USP24: variants seen among roughly 807,000 people sequenced by gnomAD.
The protein encoded by USP24 is ubiquitin specific peptidase 24.
A neutral mutation model predicts 361.6 loss-of-function variants in USP24; 97 were observed. That is an observed-to-expected ratio of 0.27 (90% confidence interval 0.23 to 0.32). USP24 has a LOEUF of 0.32. Ranked by LOEUF, USP24 falls within the 10% of genes least tolerant of loss-of-function variation. The probability of loss-of-function intolerance (pLI) is 1.00; values close to 1 mark genes in which losing one functional copy is unlikely to be tolerated. For synonymous variants in USP24, 1,098 were observed against 1,124.6 expected (o/e 0.98, Z 0.47); for missense variants, 2,353 against 3,165.6 (o/e 0.74, Z 6.16).
chr1:55,128,848 A>G (rs1646512509), intron 32 of USP24, among the ~76,000 whole-genome samples: 2 of 150,468 alleles, frequency 1.3e-5, no homozygotes, highest in Admixed American at 1.3e-4. Context: ...CCAAGTAGTT[A>G]GGACTACAAG....
chr1:55,154,182 T>G lies in USP24; in HGVS notation c.1749A>C (p.Ala583=). ...TCTTGATTGCTTCTTTCACTGCATA[T>G]GCATCACTAAGGATTGTCAGGTGCT... ...LEEHLTILSD[A]YAVKEAIKRS... Residue 583 remains alanine, a synonymous_variant, in exon 15 of 68, where the codon GCA becomes GCC. Transcript: ENST00000294383. 1 of 1,613,664 alleles carries G rather than the reference T, an allele frequency of 6.2e-7. No individual in the cohort carries two copies. Among genetic ancestry groups the G allele is most frequent in the South Asian group, 1.1e-5 (1 of 91,078 alleles).
chr1:55,075,472 C>T lies in USP24; in HGVS notation c.7432G>A (p.Glu2478Lys). ...VERVKFVFET[E>K]NGLLALMHHS... ...GCATACTTGCCTAGTAATCCATTTTCTGTCTCAAACACAAATTTGACTCGC... is the reference window on the plus strand; with the variant it reads ...GCATACTTGCCTAGTAATCCATTTTTTGTCTCAAACACAAATTTGACTCGC... The change falls in exon 63 of 68, where the codon GAA becomes AAA. Residue 2478 changes from glutamate to lysine, a missense_variant. Physicochemically the swap from Glu to Lys is moderately conservative, Grantham distance 56 (BLOSUM62 1). This residue lies in a region of USP24 where 598 missense variants were observed against 761.9 expected (regional missense o/e 0.78). Transcript: ENST00000294383. 1 of 1,603,720 alleles carries T rather than the reference C, an allele frequency of 6.2e-7. No homozygotes were observed. The highest frequency in any genetic ancestry group is 8.5e-7 in the Non-Finnish European group (1 of 1,175,142).
At position 55,214,820 on chromosome 1, in the gene USP24, C is replaced by T. The variant is rs1171362494; in HGVS notation, c.294G>A (p.Pro98=). 1 of 1,221,860 alleles carries T rather than the reference C, an allele frequency of 8.2e-7. No homozygotes were observed. Among genetic ancestry groups the T allele is most frequent in the Non-Finnish European group, 1.0e-6 (1 of 972,328 alleles). The allele number at this position is 1,221,860 out of a possible 1,614,324, so 75.7% of individuals were successfully genotyped here. The change falls in exon 1 of 68, where the codon CCG becomes CCA. Residue 98 remains proline (P), a synonymous_variant. Coordinates refer to ENST00000294383, the MANE Select transcript of USP24 (RefSeq NM_015306.3). ...CGTCCACCACCTCGTGGTAGGCGGG[C>T]GGGGGGTCGAAGCCGCCCCCGCCTC... The part of the protein sequence containing the change: ...STGGGGGFDP[P]PAYHEVVDAE...
Position 55,079,619 on chromosome 1 carries a change from A to T in USP24, c.7119T>A (p.Ala2373=). The change falls in exon 60 of 68, where the codon GCT becomes GCA. Residue 2373 remains alanine, a synonymous_variant. Transcript: ENST00000294383. ...IFKQRPPISI[A]PSSPLLPLHE... Reference sequence around the variant, plus strand: ...GGAGGGGCAACAGAGGGCTTGAGGGAGCAATGCTAATGGGTGGTCGTTGCT... The same window carrying T: ...GGAGGGGCAACAGAGGGCTTGAGGGTGCAATGCTAATGGGTGGTCGTTGCT... The T allele has an allele frequency of 6.5e-7, 1 of 1,550,282 alleles. No homozygotes were observed. The highest frequency in any genetic ancestry group is 8.6e-7 in the Non-Finnish European group (1 of 1,158,552).
intron 67 of USP24, 29 bp from the exon 68 acceptor site, chr1:55,069,136 C>T: frequency 6.2e-7 from 1 of 1,613,146 alleles, no homozygotes; most frequent in Non-Finnish European, 8.5e-7. Flanking sequence ...AGTTAAAGTT[C>T]ATACGGTTAG....
intron 55 of USP24, among the ~76,000 whole-genome samples, chr1:55,086,602 G>A (rs1419717582): frequency 6.6e-6 from 1 of 152,154 alleles, no homozygotes; most frequent in African/African-American, 2.4e-5. Flanking sequence ...ATCTGAACAT[G>A]GACTAGATAT....
At chr1:55,136,729 T>G (rs116588695) in intron 28 of USP24, among the ~76,000 whole-genome samples, 1 of 152,028 alleles carries the variant, frequency 6.6e-6, no homozygotes, top group South Asian at 2.1e-4. Context: ...ATGCCATCAT[T>G]TGAGATACAA....
At chr1:55,098,170 A>G in intron 46 of USP24, 86 bp from the exon 47 acceptor site, 1 of 1,388,598 alleles carries the variant, frequency 7.2e-7, no homozygotes, top group East Asian at 2.5e-5. Context: ...TGAACACAGA[A>G]CTACATTTTT....
chr1:55,207,206 T>C (rs1460842734), intron 1 of USP24, among the ~76,000 whole-genome samples: 2 of 149,694 alleles, frequency 1.3e-5, no homozygotes, highest in East Asian at 3.9e-4. Context: ...CTTCACACTA[T>C]AGATTACCAA....
rs745834566 is a variant in USP24, at chr1:55,089,617, C to G, written c.6668+10G>C. On this transcript the variant is annotated intron_variant, in intron 55 of 67. Coordinates refer to ENST00000294383, the MANE Select transcript of USP24 (RefSeq NM_015306.3). ...CAAATTTCTTTTAATTAAAAGACTC[C>G]AACACTTACTTTATCAATTCTCGTC... 7 of 1,549,096 alleles carry G rather than the reference C, an allele frequency of 4.5e-6. No homozygotes were observed. In the South Asian group the frequency reaches 8.5e-5, roughly 19 times the overall value.
intron 1 of USP24, among the ~76,000 whole-genome samples, chr1:55,200,856 G>C (rs1026179138): frequency 6.6e-6 from 1 of 152,044 alleles, no homozygotes; most frequent in African/African-American, 2.4e-5. Flanking sequence ...GCTTAAAAAG[G>C]GTTTGTTTCT....
At chr1:55,121,973 C>G (rs1468225497) in intron 36 of USP24, among the ~76,000 whole-genome samples, 1 of 152,038 alleles carries the variant, frequency 6.6e-6, no homozygotes, top group African/African-American at 2.4e-5. Flanking sequence ...AGTGGAGTTG[C>G]TAAAACTTCA....
At chr1:55,157,852 G>T (rs1473546891) in intron 10 of USP24, among the ~76,000 whole-genome samples, 1 of 145,194 alleles carries the variant, frequency 6.9e-6, no homozygotes, top group Admixed American at 6.9e-5. Flanking sequence ...AAAAAAAAAA[G>T]AACATGGAGT....
intron 59 of USP24, 118 bp downstream of exon 59, chr1:55,081,204 A>T: frequency 1.0e-6 from 1 of 996,580 alleles, no homozygotes. Flanking sequence ...TTTTAAGTGC[A>T]CCTCAACTAG....
At chr1:55,151,945 G>C (rs1165131502) in intron 16 of USP24, 11 of 985,656 alleles carry the variant, frequency 1.1e-5, no homozygotes, top group African/African-American at 1.7e-5. Context: ...CTGGCAGGGA[G>C]ACATAATCCC....
chr1:55,165,135 G>T (rs1244890343), intron 7 of USP24, among the ~76,000 whole-genome samples: 1 of 152,058 alleles, frequency 6.6e-6, no homozygotes, highest in Non-Finnish European at 1.5e-5. Flanking sequence ...ATTAGTCATG[G>T]TTTCACAAAA....
intron 58 of USP24, 130 bp downstream of exon 58, chr1:55,083,142 A>G (rs1164919525): frequency 3.8e-6 from 3 of 787,474 alleles, no homozygotes; most frequent in South Asian, 5.0e-5. Flanking sequence ...AACTCCAAAG[A>G]ATTTTCAAGT....
chr1:55,171,814 C>T lies in USP24; in HGVS notation c.703-136G>A, dbSNP rs1383795258. On this transcript the variant is annotated intron_variant, in intron 4 of 67. Transcript: ENST00000294383. ...CTTTCAAGAATACACCGAAAGCATA[C>T]GCCTTAGCTAGTGCAAAAGTGCTAA... 59 of 994,490 alleles carry T rather than the reference C, an allele frequency of 5.9e-5. 1 individual carries two copies. In the East Asian group the frequency reaches 8.5e-4, roughly 14 times the overall value. 61.6% of individuals were successfully genotyped at this position (994,490 alleles called of 1,614,324 possible). A position where few individuals can be genotyped will look rare whatever the true frequency, so the allele number is the denominator to read the frequency against.
At position 55,136,061 on chromosome 1, in the gene USP24, T is replaced by TAAATA. The variant is rs139073477; in HGVS notation, c.3201+1449_3201+1453dup. Among the ~76,000 whole-genome samples, 57 of 151,636 alleles carry TAAATA rather than the reference T, an allele frequency of 3.8e-4. 1 individual carries two copies. Among genetic ancestry groups the TAAATA allele is most frequent in the African/African-American group, 1.3e-3 (55 of 41,322 alleles). On this transcript the variant is annotated intron_variant, in intron 28 of 67. Coordinates refer to ENST00000294383, the MANE Select transcript of USP24 (RefSeq NM_015306.3). ...TATTGGGAGAGAGAGATAAACAAGA[T>TAAATA]AAATAAAATATATAGTATGCTAAAG...
Sources: allele counts gnomAD v4.1 joint callset (sites outside exome capture counted in the v4.1 genomes callset), GRCh38; gene constraint gnomAD v4.1.1; regional missense constraint gnomAD v4.1.1; transcripts MANE v1.5; gene names NCBI Gene and HGNC (gene_info 2026-07-23, HGNC 2026-07-21).